SCLT1: variants seen among roughly 807,000 people sequenced by gnomAD.
SCLT1 encodes the protein sodium channel-associated protein 1.
SCLT1 carries 78 observed loss-of-function variants against 112.8 expected under a neutral mutation model. That is an observed-to-expected ratio of 0.69 (90% CI 0.58 to 0.83). The LOEUF (loss-of-function observed/expected upper bound fraction) is 0.83, where lower values mean the gene tolerates loss of function less well. Among genes scored for constraint, SCLT1 ranks in the 40% least tolerant of loss-of-function variants. The pLI is 0.00. For synonymous variants in SCLT1, 257 were observed against 254.7 expected, an observed-to-expected ratio of 1.01 and a Z score of -0.09; for missense variants, 747 against 770.4, an observed-to-expected ratio of 0.97 and a Z score of 0.36.
chr4:128,946,651 G>C (rs1023994902), intron 15 of SCLT1, among the ~76,000 whole-genome samples: 6 of 152,188 alleles, frequency 3.9e-5, no homozygotes, highest in African/African-American at 1.2e-4. Context: ...TAAAGCAGCT[G>C]AAGTAAAAAT....
At chr4:129,089,673 T>C (rs928894593) in intron 1 of SCLT1, among the ~76,000 whole-genome samples, 4 of 152,198 alleles carry the variant, frequency 2.6e-5, no homozygotes, top group Non-Finnish European at 5.9e-5. Context: ...CCATGGACTA[T>C]TATGCAGCCA....
At chr4:128,982,523 A>T (rs1196298308) in intron 9 of SCLT1, among the ~76,000 whole-genome samples, 1 of 152,170 alleles carries the variant, frequency 6.6e-6, no homozygotes, top group African/African-American at 2.4e-5. Flanking sequence ...TTATTTTGAG[A>T]TGGAGTCTTG....
chr4:129,040,470 T>C (rs924624351), intron 4 of SCLT1, among the ~76,000 whole-genome samples: 2 of 152,186 alleles, frequency 1.3e-5, no homozygotes, highest in Non-Finnish European at 2.9e-5. Flanking sequence ...CTGCAGCCAA[T>C]AAACTGATCT....
intron 4 of SCLT1, chr4:129,042,027 G>C (rs1196200366): frequency 6.6e-6 from 1 of 152,230 alleles, no homozygotes; most frequent in African/African-American, 2.4e-5. Context: ...GATTACAGAC[G>C]TGAGCTACCA....
At chr4:129,013,059 G>T (rs1007036792) in intron 5 of SCLT1, among the ~76,000 whole-genome samples, 1 of 151,962 alleles carries the variant, frequency 6.6e-6, no homozygotes, top group Admixed American at 6.6e-5. Flanking sequence ...ATGTCACAGG[G>T]GTTTGTTGTA....
At chr4:128,933,942 CCA>C (rs935146847) in intron 18 of SCLT1, among the ~76,000 whole-genome samples, 24 of 152,022 alleles carry the variant, frequency 1.6e-4, no homozygotes, top group East Asian at 5.8e-4. Flanking sequence ...AGGCTTTATC[CCA>C]CACAGTCTAA....
intron 2 of SCLT1, among the ~76,000 whole-genome samples, chr4:129,062,442 T>C (rs1436127737): frequency 6.6e-6 from 1 of 152,144 alleles, no homozygotes; most frequent in Admixed American, 6.5e-5. Context: ...TACACCACCA[T>C]TACAGTGTCA....
At chr4:128,958,061 C>A (rs1255111206) in intron 12 of SCLT1, among the ~76,000 whole-genome samples, 1 of 152,098 alleles carries the variant, frequency 6.6e-6, no homozygotes, top group Non-Finnish European at 1.5e-5. Flanking sequence ...TATATGCTGA[C>A]AATCCCCATA....
intron 11 of SCLT1, among the ~76,000 whole-genome samples, chr4:128,960,748 G>A (rs574116682): frequency 6.7e-6 from 1 of 150,116 alleles, no homozygotes; most frequent in South Asian, 2.1e-4. Flanking sequence ...GTGAAACCCC[G>A]TCTCTACTAA....
chr4:128,926,913 G>C (rs1470983298), intron 18 of SCLT1, among the ~76,000 whole-genome samples: 1 of 151,476 alleles, frequency 6.6e-6, no homozygotes, highest in East Asian at 1.9e-4. Context: ...AAGTATGTGT[G>C]GTATAACATG....
chr4:128,953,816 A>C (rs937075807), intron 13 of SCLT1, among the ~76,000 whole-genome samples: 1 of 136,576 alleles, frequency 7.3e-6, no homozygotes, highest in East Asian at 2.2e-4. Flanking sequence ...AAAAACAAAA[A>C]AACAAAAAAA....
chr4:128,899,904 A>G (rs1734124753), intron 18 of SCLT1, among the ~76,000 whole-genome samples: 1 of 152,210 alleles, frequency 6.6e-6, no homozygotes, highest in Non-Finnish European at 1.5e-5. Context: ...GAGCCAAATC[A>G]TGAGTGAACT....
intron 5 of SCLT1, among the ~76,000 whole-genome samples, chr4:129,016,449 T>C (rs1007093198): frequency 1.3e-5 from 2 of 152,340 alleles, no homozygotes; most frequent in African/African-American, 4.8e-5. Flanking sequence ...AGCAGTTTTT[T>C]AAAGGCCAAC....
chr4:129,053,290 T>G (rs1482613752), intron 2 of SCLT1, among the ~76,000 whole-genome samples: 1 of 152,086 alleles, frequency 6.6e-6, no homozygotes, highest in East Asian at 1.9e-4. Context: ...TTCTTGTTAA[T>G]TTTCTGTCTT....
chr4:129,088,276 T>C (rs984351079), intron 1 of SCLT1, among the ~76,000 whole-genome samples: 2 of 152,194 alleles, frequency 1.3e-5, no homozygotes, highest in South Asian at 2.1e-4. Flanking sequence ...TGAAAAAATA[T>C]CTTTTAATCT....
At chr4:129,083,218 GAAAAAGAAA>G in intron 1 of SCLT1, among the ~76,000 whole-genome samples, 1 of 130,562 alleles carries the variant, frequency 7.7e-6, no homozygotes, top group East Asian at 2.3e-4. Flanking sequence ...AAGAAGAAAA[GAAAAAGAAA>G]AAAAAGAAAT....
chr4:128,878,363 T>TTGA (rs1732568306), intron 3 of SCLT1, among the ~76,000 whole-genome samples: 1 of 152,218 alleles, frequency 6.6e-6, no homozygotes, highest in Non-Finnish European at 1.5e-5. Context: ...TCTGGGGTGA[T>TTGA]TGATAGTTCT....
At chr4:129,076,843 C>T (rs1001274307) in intron 2 of SCLT1, among the ~76,000 whole-genome samples, 8 of 151,816 alleles carry the variant, frequency 5.3e-5, no homozygotes, top group Admixed American at 5.3e-4. Context: ...ATATAGAAAA[C>T]ACAAAATAAT....
At chr4:128,873,708 C>G (rs1732373942) in intron 5 of SCLT1, 1 of 152,282 alleles carries the variant, frequency 6.6e-6, no homozygotes, top group Non-Finnish European at 1.5e-5. Context: ...AGCCCGACTT[C>G]CCCTAAATTC....
Sources: allele counts gnomAD v4.1 joint callset (sites outside exome capture counted in the v4.1 genomes callset), GRCh38; gene constraint gnomAD v4.1.1; transcripts MANE v1.5; gene names NCBI Gene and HGNC (gene_info 2026-07-23, HGNC 2026-07-21).